Variants in SPRY3 observed in about 807,000 individuals in gnomAD.
SPRY3 encodes protein sprouty homolog 3.
In SPRY3, 15 loss-of-function variants were observed where a neutral mutation model predicts 20.2. The observed-to-expected ratio is 0.74, with a 90% CI of 0.50 to 1.14. SPRY3 has a LOEUF of 1.14. SPRY3 is among the 50% of genes most tolerant of loss of function. SPRY3 has a pLI of 0.00. For synonymous variants in SPRY3, 143 were observed against 136.5 expected (o/e 1.05, Z -0.33); for missense variants, 364 against 363.9 (o/e 1.00, Z 0.00).
chrX:155,774,640 C>A, exon 4 of SPRY3: 1 of 1,613,964 alleles, frequency 6.2e-7, no homozygotes, highest in Non-Finnish European at 8.5e-7. Flanking sequence ...TAGCCTCCGG[C>A]GACCAGGCTG....
At chrX:155,722,528 A>T (rs1348041979) in intron 2 of SPRY3, among the ~76,000 whole-genome samples, 1 of 152,122 alleles carries the variant, frequency 6.6e-6, no homozygotes, top group Non-Finnish European at 1.5e-5. Context: ...CTCAAAAATA[A>T]ATTAATTAAT....
chrX:155,708,654 G>A (rs1028894328), intron 2 of SPRY3, among the ~76,000 whole-genome samples: 1 of 151,314 alleles, frequency 6.6e-6, no homozygotes, highest in African/African-American at 2.4e-5. Flanking sequence ...TGGTACATGA[G>A]ATATTTTGGT....
intron 2 of SPRY3, among the ~76,000 whole-genome samples, chrX:155,700,990 A>G (rs1407941719): frequency 2.6e-4 from 2 of 7,689 alleles, no homozygotes; most frequent in Admixed American, 3.6e-3. Flanking sequence ...TATGTGCCAC[A>G]TTTTCTTAAT....
At chrX:155,698,301 T>C (rs1362234127) in intron 2 of SPRY3, among the ~76,000 whole-genome samples, 1 of 111,951 alleles carries the variant, frequency 8.9e-6, no homozygotes, top group Non-Finnish European at 1.9e-5. Context: ...ATAAAGTGAA[T>C]ATTCAGATTT....
chrX:155,717,083 C>G (rs1355840631), intron 2 of SPRY3, among the ~76,000 whole-genome samples: 5 of 142,458 alleles, frequency 3.5e-5, no homozygotes, highest in African/African-American at 1.3e-4. Flanking sequence ...TGCTTGAACC[C>G]GGGAAGCAGA....
At chrX:155,770,454 A>C (rs909567654) in intron 3 of SPRY3, among the ~76,000 whole-genome samples, 8 of 152,194 alleles carry the variant, frequency 5.3e-5, no homozygotes, top group African/African-American at 1.7e-4. Flanking sequence ...GCTACAGAAA[A>C]ACTGTTTAGA....
intron 3 of SPRY3, 118 bp from the exon 3 acceptor site, chrX:155,773,648 A>C: frequency 1.7e-6 from 1 of 588,524 alleles, no homozygotes; most frequent in Admixed American, 3.2e-5. Flanking sequence ...TGTAGCATGA[A>C]GATTACTGTA....
chrX:155,762,902 A>G (rs3877812), intron 2 of SPRY3, among the ~76,000 whole-genome samples: 45,327 of 152,032 alleles, frequency 0.3, 7,414 homozygotes, highest in African/African-American at 0.43. Flanking sequence ...TACCAGAAAG[A>G]CACATGCACT....
chrX:155,687,664 T>C (rs909704305), intron 2 of SPRY3, among the ~76,000 whole-genome samples: 2 of 112,146 alleles, frequency 1.8e-5, no homozygotes, highest in Non-Finnish European at 3.8e-5. Context: ...GGTTTACAAT[T>C]TCATGACTTT....
intron 2 of SPRY3, among the ~76,000 whole-genome samples, chrX:155,751,968 TAAAATAAAATAAAATAAAGG>T (rs1454801538): frequency 1.1e-5 from 1 of 88,298 alleles, no homozygotes. Flanking sequence ...TAAAATAAAA[TAAAATAAAATAAAATAAAGG>T]AAAGGAAAAG....
intron 2 of SPRY3, among the ~76,000 whole-genome samples, chrX:155,664,511 T>C (rs2068018918): frequency 9.2e-6 from 1 of 108,854 alleles, no homozygotes; most frequent in South Asian, 3.9e-4. Flanking sequence ...ATAGCATAAA[T>C]AGACAAATAA....
chrX:155,733,467 TA>T (rs925255232), intron 2 of SPRY3, among the ~76,000 whole-genome samples: 1 of 151,164 alleles, frequency 6.6e-6, no homozygotes, highest in Non-Finnish European at 1.5e-5. Context: ...AATTAAAAAT[TA>T]AAAAAAACAT....
intron 2 of SPRY3, among the ~76,000 whole-genome samples, chrX:155,751,581 C>A (rs934979439): frequency 6.6e-6 from 1 of 151,758 alleles, no homozygotes; most frequent in Non-Finnish European, 1.5e-5. Flanking sequence ...GTTGTGACTT[C>A]TACATTTAAG....
rs147612186 is a variant in SPRY3 at position 155,672,959 on chromosome X, G to A, written c.-282+15934G>A. On this transcript the variant is annotated intron_variant, in intron 2 of 3. Coordinates refer to ENST00000675360, the Ensembl canonical transcript of SPRY3. The stretch of plus-strand genomic sequence containing the variant: ...AAATCATCATTCGTAGTAAACTATC[G>A]CAAGGACAAAAAACCAAACACCGCA... 9.8e-3 allele frequency among the ~76,000 whole-genome samples: 1,007 copies of A among 102,903 alleles called. 19 individuals carry two copies. The highest frequency in any genetic ancestry group is 0.034 in the African/African-American group (965 of 28,273). The allele number at this position is 102,903 out of a possible 115,157, so 89.4% of individuals were successfully genotyped here. A position where few individuals can be genotyped will look rare whatever the true frequency, so the allele number is the denominator to read the frequency against.
chrX:155,725,518 A>T (rs1241361933), intron 2 of SPRY3, among the ~76,000 whole-genome samples: 25 of 151,986 alleles, frequency 1.6e-4, no homozygotes, highest in Admixed American at 1.6e-3. Flanking sequence ...GCCTATTCAG[A>T]GATTCAACTT....
chrX:155,665,278 T>C (rs1557354206), intron 2 of SPRY3, among the ~76,000 whole-genome samples: 1 of 111,206 alleles, frequency 9.0e-6, no homozygotes, highest in African/African-American at 3.3e-5. Flanking sequence ...TTACTAATTG[T>C]AAATTGGTAT....
intron 2 of SPRY3, among the ~76,000 whole-genome samples, chrX:155,665,144 AG>A (rs1258878560): frequency 4.5e-5 from 5 of 110,631 alleles, no homozygotes; most frequent in African/African-American, 3.3e-5. Context: ...ACATGTTAAA[AG>A]AAAATCAACC....
At chrX:155,649,749 A>G (rs1330784628) in intron 1 of SPRY3, among the ~76,000 whole-genome samples, 1 of 111,517 alleles carries the variant, frequency 9.0e-6, no homozygotes, top group Non-Finnish European at 1.9e-5. Context: ...TATTCAACAT[A>G]GTATTGGAAG....
chrX:155,616,926 T>C (rs781824488), intron 1 of SPRY3, among the ~76,000 whole-genome samples: 2 of 110,397 alleles, frequency 1.8e-5, no homozygotes, highest in Non-Finnish European at 3.8e-5. Flanking sequence ...TAAACAATTG[T>C]ACTTTACTGT....
Sources: allele counts gnomAD v4.1 joint callset (sites outside exome capture counted in the v4.1 genomes callset), GRCh38; gene constraint gnomAD v4.1.1; transcripts MANE v1.5; gene names NCBI Gene and HGNC (gene_info 2026-07-23, HGNC 2026-07-21).